The following PCDHGA2 variants were observed in gnomAD, a reference collection of about 807,000 sequenced individuals.
The protein encoded by PCDHGA2 is protocadherin gamma subfamily A, 2.
A neutral mutation model predicts 59.2 loss-of-function variants in PCDHGA2; 40 were observed. That is an observed-to-expected ratio of 0.68 (90% CI 0.52 to 0.88). The LOEUF is 0.88. Among genes scored for constraint, PCDHGA2 ranks in the 40% least tolerant of loss-of-function variants. The pLI is 0.00. For missense variants in PCDHGA2, 1,226 were observed against 1,204.0 expected, an observed-to-expected ratio of 1.02 and a Z score of -0.27; for synonymous variants, 560 against 526.0, an observed-to-expected ratio of 1.06 and a Z score of -0.89.
chr5:141,500,491 G>A (rs1595677531), intron 2 of PCDHGA2, among the ~76,000 whole-genome samples: 1 of 152,156 alleles, frequency 6.6e-6, no homozygotes, highest in East Asian at 1.9e-4. Context: ...TTACAGGCGT[G>A]AGCCACCGCG....
At chr5:141,354,146 G>A in intron 1 of PCDHGA2, among the ~76,000 whole-genome samples, 1 of 152,182 alleles carries the variant, frequency 6.6e-6, no homozygotes, top group Admixed American at 6.5e-5. Context: ...AATACTGAAT[G>A]TGTCATGTGA....
Position 141,364,749 on chromosome 5 carries a change from T to A in PCDHGA2, c.2424+23354T>A, listed in dbSNP as rs1588602208. Reference sequence around the variant, plus strand: ...CGTTTCCGGGATGAAGAGTTAAAAGTAAAAGTTAATGAAAATGCGGCTGCA... The same window carrying A: ...CGTTTCCGGGATGAAGAGTTAAAAGAAAAAGTTAATGAAAATGCGGCTGCA... On this transcript the variant is annotated intron_variant, in intron 1 of 3. Coordinates refer to ENST00000394576, the MANE Select transcript of PCDHGA2 (RefSeq NM_018915.4). 3.1e-5 allele frequency: 50 copies of A among 1,613,798 alleles called. No individual in the cohort carries two copies. In the East Asian group the frequency reaches 1.1e-3, roughly 35 times the overall value.
At chr5:141,346,044 A>G (rs764384802) in intron 1 of PCDHGA2, 10 of 1,613,362 alleles carry the variant, frequency 6.2e-6, no homozygotes, top group Middle Eastern at 1.7e-4. Flanking sequence ...GATCCCCGAC[A>G]TCCTGGCCGA....
intron 1 of PCDHGA2, among the ~76,000 whole-genome samples, chr5:141,369,259 A>G (rs1009841286): frequency 6.6e-6 from 1 of 152,214 alleles, no homozygotes; most frequent in African/African-American, 2.4e-5. Flanking sequence ...TAATATAATT[A>G]TAAGGACTTA....
intron 1 of PCDHGA2, chr5:141,413,963 C>T (rs1368202031): frequency 6.8e-6 from 11 of 1,613,446 alleles, no homozygotes; most frequent in Non-Finnish European, 9.3e-6. Context: ...CCTGTGGGCA[C>T]TCAGCTGCTG....
intron 1 of PCDHGA2, among the ~76,000 whole-genome samples, chr5:141,462,027 TG>T (rs1239347302): frequency 6.6e-6 from 1 of 152,220 alleles, no homozygotes; most frequent in African/African-American, 2.4e-5. Flanking sequence ...TTCTTCATGT[TG>T]GTCAGGCGGG....
In PCDHGA2 at chr5:141,339,653, A is replaced by G. The variant is rs759903842; in HGVS notation, c.682A>G (p.Ile228Val). The G allele has an allele frequency of 1.1e-5, 17 of 1,614,060 alleles. No homozygotes were observed. The highest frequency in any genetic ancestry group is 3.3e-4 in the Middle Eastern group (2 of 6,084). Residue 228 changes from isoleucine to valine, a missense_variant, in exon 1 of 4, where the codon ATC (isoleucine) becomes GTC (valine). By Grantham distance (29) the Ile-to-Val change is conservative. Coordinates refer to ENST00000394576, the MANE Select transcript of PCDHGA2 (RefSeq NM_018915.4). ...CCCAGTGCTATCTGGCACCTCCCGC[A>G]TCTGCGTGAAGGTCCTGGATGCGAA... ...GDPVLSGTSR[I>V]CVKVLDANDN...
intron 1 of PCDHGA2, chr5:141,351,882 A>G (rs1309999370): frequency 6.2e-7 from 1 of 1,613,236 alleles, no homozygotes; most frequent in African/African-American, 1.3e-5. Context: ...CTCAGCGCCA[A>G]CGTGAGCCTG....
At chr5:141,415,740 G>GTTTTTGTTTTTTTTTT (rs2095911468) in intron 1 of PCDHGA2, 1 of 515,998 alleles carries the variant, frequency 1.9e-6, no homozygotes, top group Non-Finnish European at 2.6e-6. Context: ...GTTTATTAAG[G>GTTTTTGTTTTTTTTTT]TTTTTTTTTT....
intron 1 of PCDHGA2, chr5:141,398,136 C>G: frequency 6.4e-7 from 1 of 1,556,004 alleles, no homozygotes; most frequent in Non-Finnish European, 8.6e-7. Flanking sequence ...GGATGGGGAG[C>G]GGCGCCGGGG....
chr5:141,368,929 T>C (rs1183733565), intron 1 of PCDHGA2, among the ~76,000 whole-genome samples: 1 of 152,228 alleles, frequency 6.6e-6, no homozygotes, highest in Non-Finnish European at 1.5e-5. Context: ...AGTGTCTGTC[T>C]AGAATTCTGG....
At chr5:141,460,214 G>A (rs925628892) in intron 1 of PCDHGA2, among the ~76,000 whole-genome samples, 2 of 151,896 alleles carry the variant, frequency 1.3e-5, no homozygotes, top group Admixed American at 6.6e-5. Flanking sequence ...CATTTTCTTA[G>A]TTGTGTCTTT....
At chr5:141,459,442 A>G (rs2098968073) in intron 1 of PCDHGA2, among the ~76,000 whole-genome samples, 1 of 152,198 alleles carries the variant, frequency 6.6e-6, no homozygotes, top group South Asian at 2.1e-4. Context: ...CATTCATTCA[A>G]CTGTTGGTGG....
chr5:141,352,555 C>G, intron 1 of PCDHGA2: 1 of 1,614,008 alleles, frequency 6.2e-7, no homozygotes, highest in Non-Finnish European at 8.5e-7. Context: ...ATTCTCTCAA[C>G]CTGACACCGG....
intron 2 of PCDHGA2, among the ~76,000 whole-genome samples, 199 bp downstream of exon 2, chr5:141,495,064 C>T (rs563712352): frequency 6.6e-6 from 1 of 152,296 alleles, no homozygotes; most frequent in South Asian, 2.1e-4. Context: ...GTTCAGGAAG[C>T]TCAATTCACA....
At chr5:141,403,251 C>G (rs1276332038) in intron 1 of PCDHGA2, 41 of 1,613,756 alleles carry the variant, frequency 2.5e-5, no homozygotes, top group Non-Finnish European at 3.4e-5. Context: ...GCTCAGAGCC[C>G]GCGGTGTCTG....
At chr5:141,369,725 G>A (rs540933138) in intron 1 of PCDHGA2, among the ~76,000 whole-genome samples, 2 of 152,288 alleles carry the variant, frequency 1.3e-5, no homozygotes, top group African/African-American at 4.8e-5. Flanking sequence ...TTAGAAGTTA[G>A]AAGTAAAGGA....
At chr5:141,510,353 C>T (rs74759939) in intron 3 of PCDHGA2, among the ~76,000 whole-genome samples, 2 of 146,504 alleles carry the variant, frequency 1.4e-5, no homozygotes, top group African/African-American at 5.0e-5. Context: ...CACTTACTAA[C>T]GGAACTACCG....
chr5:141,340,881 C>T lies in PCDHGA2; in HGVS notation c.1910C>T (p.Ala637Val), dbSNP rs981458172. ...RTARALLDRDALKQSLVVAIQ... is the reference protein window; with the variant it reads ...RTARALLDRDVLKQSLVVAIQ... ...GCGCGAGCCCTGCTGGACAGAGACGCGCTCAAGCAGAGCCTCGTGGTGGCC... is the reference window on the plus strand; with the variant it reads ...GCGCGAGCCCTGCTGGACAGAGACGTGCTCAAGCAGAGCCTCGTGGTGGCC... The change falls in exon 1 of 4, where the codon GCG becomes GTG. Residue 637 changes from alanine to valine, a missense_variant. By Grantham distance (64) the Ala-to-Val change is moderately conservative. Coordinates refer to ENST00000394576, the MANE Select transcript of PCDHGA2 (RefSeq NM_018915.4). The T allele has an allele frequency of 1.9e-6, 3 of 1,613,664 alleles. No individual in the cohort carries two copies. Among genetic ancestry groups the T allele is most frequent in the East Asian group, 2.2e-5 (1 of 44,846 alleles).
Sources: allele counts gnomAD v4.1 joint callset (sites outside exome capture counted in the v4.1 genomes callset), GRCh38; gene constraint gnomAD v4.1.1; transcripts MANE v1.5; gene names NCBI Gene and HGNC (gene_info 2026-07-23, HGNC 2026-07-21).